ANKRD36: variants seen among roughly 807,000 people sequenced by gnomAD.
ANKRD36 encodes ankyrin repeat domain 36.
A neutral mutation model predicts 278.1 loss-of-function variants in ANKRD36; 179 were observed. The observed-to-expected ratio is 0.64, with a 90% CI of 0.57 to 0.73. The LOEUF (loss-of-function observed/expected upper bound fraction) is 0.73, where lower values mean the gene tolerates loss of function less well. Among genes scored for constraint, ANKRD36 ranks in the 30% least tolerant of loss-of-function variants. ANKRD36 has a pLI of 0.00. For missense variants in ANKRD36, 1,159 were observed against 1,956.7 expected (o/e 0.59, Z 7.69); for synonymous variants, 320 against 641.1 (o/e 0.50, Z 7.57).
At position 97,154,653 on chromosome 2, in the gene ANKRD36, G is replaced by T. The variant is rs529408659; in HGVS notation, c.1194-22G>T. Reference sequence around the variant, plus strand: ...TTAAGAAATGAACGTGCTCATTTTTGTAATATCTTTTTGCTCTGTAGGTGT... The same window carrying T: ...TTAAGAAATGAACGTGCTCATTTTTTTAATATCTTTTTGCTCTGTAGGTGT... On this transcript the variant is annotated intron_variant, in intron 14 of 75. Coordinates refer to ENST00000420699, the MANE Select transcript of ANKRD36 (RefSeq NM_001354587.1). 1.6e-3 allele frequency: 2,304 copies of T among 1,463,672 alleles called. 159 individuals carry two copies. The East Asian group carries it at 0.051, about 32-fold the overall frequency. 90.7% of individuals were successfully genotyped at this position (1,463,672 alleles called of 1,614,324 possible).
intron 1 of ANKRD36, among the ~76,000 whole-genome samples, chr2:97,116,537 G>A (rs2035430862): frequency 6.6e-6 from 1 of 152,032 alleles, no homozygotes; most frequent in African/African-American, 2.4e-5. Context: ...GCCTCCCAAA[G>A]TTCTGGGATT....
chr2:97,200,196 C>T (rs1475570339), intron 44 of ANKRD36, 138 bp from the exon 45 acceptor site: 69 of 1,537,034 alleles, frequency 4.5e-5, no homozygotes, highest in Middle Eastern at 4.7e-4. Flanking sequence ...GTTCTGATCC[C>T]CAGACACAAA....
At chr2:97,216,731 G>C (rs147393118) in intron 62 of ANKRD36, 418 of 364,066 alleles carry the variant, frequency 1.1e-3, no homozygotes, top group African/African-American at 8.4e-3. Context: ...TACCTTCTCA[G>C]TTATGGGGCA....
intron 5 of ANKRD36, among the ~76,000 whole-genome samples, chr2:97,126,643 T>C (rs2038730291): frequency 6.6e-6 from 1 of 152,006 alleles, no homozygotes; most frequent in Non-Finnish European, 1.5e-5. Flanking sequence ...ACTCCACTGC[T>C]TTACTATTTC....
intron 22 of ANKRD36, among the ~76,000 whole-genome samples, chr2:97,178,155 C>G (rs201620661): frequency 6.0e-5 from 9 of 149,784 alleles, no homozygotes; most frequent in Non-Finnish European, 1.0e-4. Flanking sequence ...TTAGAATGGC[C>G]ATCATTAAAA....
At chr2:97,224,361 G>T (rs1443515133) in intron 66 of ANKRD36, among the ~76,000 whole-genome samples, 1 of 151,748 alleles carries the variant, frequency 6.6e-6, no homozygotes, top group Non-Finnish European at 1.5e-5. Context: ...CTTTCTTAAA[G>T]AAGTAAATAT....
At chr2:97,187,254 A>G (rs1196445544) in intron 31 of ANKRD36, 28 bp downstream of exon 31, 4 of 1,609,242 alleles carry the variant, frequency 2.5e-6, no homozygotes, top group Non-Finnish European at 2.5e-6. Flanking sequence ...TATATTGTGA[A>G]CTAGTAAATC....
chr2:97,156,423 A>T (rs1274378168), intron 15 of ANKRD36, among the ~76,000 whole-genome samples: 1 of 110,744 alleles, frequency 9.0e-6, no homozygotes, highest in African/African-American at 3.1e-5. Context: ...TCCTGTGTCC[A>T]TGTGATCTCA....
intron 66 of ANKRD36, among the ~76,000 whole-genome samples, chr2:97,222,301 T>C (rs994642032): frequency 2.0e-5 from 3 of 152,078 alleles, no homozygotes; most frequent in African/African-American, 7.2e-5. Flanking sequence ...AGTAGTTTTT[T>C]CCAATTCTGT....
At chr2:97,171,410 A>G (rs1469156790) in intron 22 of ANKRD36, among the ~76,000 whole-genome samples, 4 of 147,410 alleles carry the variant, frequency 2.7e-5, no homozygotes, top group African/African-American at 5.0e-5. Context: ...AGGGACATGG[A>G]TGAAATTGGA....
intron 26 of ANKRD36, among the ~76,000 whole-genome samples, chr2:97,183,096 A>G (rs965504159): frequency 2.0e-5 from 3 of 151,796 alleles, no homozygotes; most frequent in African/African-American, 7.2e-5. Flanking sequence ...AACATGCAGT[A>G]GCATTTAGTA....
At chr2:97,217,594 G>T (rs1342455234) in intron 64 of ANKRD36, among the ~76,000 whole-genome samples, 2 of 152,096 alleles carry the variant, frequency 1.3e-5, no homozygotes, top group African/African-American at 4.8e-5. Flanking sequence ...AAATTGTGTA[G>T]AAGAACCATT....
chr2:97,218,035 C>T (rs2066426144), intron 64 of ANKRD36, among the ~76,000 whole-genome samples: 1 of 152,090 alleles, frequency 6.6e-6, no homozygotes, highest in Admixed American at 6.6e-5. Context: ...CACAGTGCCT[C>T]ATTATTCATG....
At chr2:97,217,265 T>G in intron 63 of ANKRD36, 35 bp from the exon 64 acceptor site, 4 of 1,547,724 alleles carry the variant, frequency 2.6e-6, no homozygotes, top group Non-Finnish European at 3.5e-6. Flanking sequence ...AAATATATAT[T>G]ATGTATTGAC....
intron 67 of ANKRD36, among the ~76,000 whole-genome samples, chr2:97,226,211 C>A (rs1187943554): frequency 1.1e-3 from 166 of 151,628 alleles, no homozygotes; most frequent in African/African-American, 3.9e-3. Context: ...CTGACTTCCA[C>A]AATGGTTGAA....
chr2:97,262,694 G>C (rs2076850108), intron 75 of ANKRD36, among the ~76,000 whole-genome samples: 1 of 133,684 alleles, frequency 7.5e-6, no homozygotes, highest in Non-Finnish European at 1.5e-5. Flanking sequence ...CTCCTGGATA[G>C]CTTCTTGCCC....
intron 6 of ANKRD36, among the ~76,000 whole-genome samples, chr2:97,130,818 C>A (rs2039948866): frequency 6.6e-6 from 1 of 151,968 alleles, no homozygotes; most frequent in Non-Finnish European, 1.5e-5. Context: ...GAACACATTT[C>A]TAACACAGGT....
At chr2:97,164,139 C>G (rs1040503474) in intron 18 of ANKRD36, 144 bp from the exon 19 acceptor site, 1 of 1,471,464 alleles carries the variant, frequency 6.8e-7, no homozygotes, top group African/African-American at 1.4e-5. Context: ...CTAACCAAAA[C>G]AAGAGCAAAG....
intron 22 of ANKRD36, among the ~76,000 whole-genome samples, chr2:97,176,028 G>T (rs1267202105): frequency 6.6e-6 from 1 of 151,680 alleles, no homozygotes; most frequent in Non-Finnish European, 1.5e-5. Flanking sequence ...ATTTTCTGAG[G>T]AGAGCTTTAC....
Sources: gnomAD v4.1 joint callset for allele counts (sites outside exome capture counted in the v4.1 genomes callset) on GRCh38, gnomAD v4.1.1 for gene constraint, MANE v1.5 for transcripts, NCBI Gene and HGNC (gene_info 2026-07-23, HGNC 2026-07-21) for gene names.